The following SMNDC1 variants were observed in gnomAD, a reference collection of about 807,000 sequenced individuals.
The protein encoded by SMNDC1 is survival of motor neuron-related-splicing factor 30.
A neutral mutation model predicts 29.2 loss-of-function variants in SMNDC1; 5 were observed. The observed-to-expected ratio is 0.17, with a 90% CI of 0.09 to 0.36. SMNDC1 has a LOEUF of 0.36. Ranked by LOEUF, SMNDC1 falls within the 10% of genes least tolerant of loss-of-function variation. SMNDC1 has a pLI of 1.00. For synonymous variants in SMNDC1, 80 were observed against 89.9 expected (o/e 0.89, Z 0.62); for missense variants, 142 against 268.5 (o/e 0.53, Z 3.29).
intron 4 of SMNDC1, 58 bp downstream of exon 4, chr10:110,297,509 C>G (rs538647589): frequency 6.6e-7 from 1 of 1,517,876 alleles, no homozygotes; most frequent in African/African-American, 1.4e-5. Context: ...CTGCAGACTA[C>G]TTCAAGTATC....
rs1008525231 is a variant in SMNDC1 at position 110,304,908 on chromosome 10, G to C, written c.-161C>G. The C allele has an allele frequency of 1.3e-5, 2 of 152,416 alleles. No individual in the cohort carries two copies. Among genetic ancestry groups the C allele is most frequent in the Non-Finnish European group, 2.9e-5 (2 of 68,174 alleles). The allele number at this position is 152,416 out of a possible 1,614,324, so 9.4% of individuals were successfully genotyped here. ...GGAAGAACTCGGTCGGCGGCGAGGG[G>C]GAAGGGAGGAACGCCGGGCACTGGA... On this transcript the variant is annotated 5_prime_UTR_variant, in exon 1 of 6. Transcript: ENST00000369603.
At position 110,291,945 on chromosome 10, in the gene SMNDC1, TCAGTCTGTCA is replaced by T. The variant is rs992766120; in HGVS notation, c.*2195_*2204del. On this transcript the variant is annotated 3_prime_UTR_variant, in exon 6 of 6. Transcript: ENST00000369603. ...GGCCCATAACTCAATATTTAACATT[TCAGTCTGTCA>T]CAGTTTCAAAGCTTCAAGTCTCCTT... 6.6e-6 allele frequency: 1 copy of T among 152,224 alleles called. No individual in the cohort carries two copies. Among genetic ancestry groups the T allele is most frequent in the African/African-American group, 2.4e-5 (1 of 41,454 alleles). 9.4% of individuals were successfully genotyped at this position (152,224 alleles called of 1,614,324 possible).
intron 5 of SMNDC1, among the ~76,000 whole-genome samples, chr10:110,294,556 G>A (rs533171282): frequency 5.9e-5 from 9 of 152,200 alleles, no homozygotes; most frequent in African/African-American, 1.7e-4. Flanking sequence ...TTTTGTAAAC[G>A]CAAATCCTAA....
chr10:110,301,774 T>C (rs1857653323), intron 2 of SMNDC1, among the ~76,000 whole-genome samples: 1 of 152,202 alleles, frequency 6.6e-6, no homozygotes, highest in Non-Finnish European at 1.5e-5. Context: ...TCCAGGTCAT[T>C]ATTAACTGAA....
chr10:110,299,102 T>C (rs990273065), intron 2 of SMNDC1, among the ~76,000 whole-genome samples: 3 of 152,174 alleles, frequency 2.0e-5, no homozygotes, highest in African/African-American at 7.2e-5. Flanking sequence ...GCTGAATAGA[T>C]CTCTCTAAAG....
chr10:110,297,054 C>T (rs190063735), intron 4 of SMNDC1, among the ~76,000 whole-genome samples: 8 of 152,334 alleles, frequency 5.3e-5, no homozygotes, highest in African/African-American at 1.9e-4. Context: ...ATCATACCGC[C>T]TTGTAGCTTT....
intron 5 of SMNDC1, 115 bp from the exon 6 acceptor site, chr10:110,294,402 A>G: frequency 1.1e-6 from 1 of 870,008 alleles, no homozygotes; most frequent in Non-Finnish European, 1.7e-6. Context: ...GAAGAAAAAC[A>G]TATTGCCTTT....
rs1346159075 is a variant in SMNDC1 at position 110,293,182 on chromosome 10, GTGA to G, written c.*965_*967del. On this transcript the variant is annotated 3_prime_UTR_variant, in exon 6 of 6. Transcript: ENST00000369603. ...GGCTTAAACTCAACTCAGGATAACTGTGATGATGTTCACTTACACCAACAAATG... is the reference window on the plus strand; with the variant it reads ...GGCTTAAACTCAACTCAGGATAACTGTGATGTTCACTTACACCAACAAATG... The G allele has an allele frequency of 6.6e-6, 1 of 152,572 alleles. No individual in the cohort carries two copies. The allele number at this position is 152,572 out of a possible 1,614,324, so 9.5% of individuals were successfully genotyped here. A position where few individuals can be genotyped will look rare whatever the true frequency, so the allele number is the denominator to read the frequency against.
chr10:110,297,128 T>A (rs1345932658), intron 4 of SMNDC1, among the ~76,000 whole-genome samples: 7 of 152,240 alleles, frequency 4.6e-5, no homozygotes, highest in Non-Finnish European at 1.0e-4. Context: ...AAATCTGCCC[T>A]AATAATAAAA....
chr10:110,296,272 A>C (rs1857561283), intron 4 of SMNDC1, among the ~76,000 whole-genome samples: 3 of 152,190 alleles, frequency 2.0e-5, no homozygotes, highest in African/African-American at 7.2e-5. Context: ...GTTAACACTG[A>C]CTTCTCACCA....
Position 110,303,783 on chromosome 10 carries a change from A to G in SMNDC1, c.1-196T>C, listed in dbSNP as rs937798941. The G allele has an allele frequency of 4.9e-5, 25 of 513,626 alleles. No homozygotes were observed. In the African/African-American group the frequency reaches 5.1e-4, roughly 10 times the overall value. 31.8% of individuals were successfully genotyped at this position (513,626 alleles called of 1,614,324 possible). A position where few individuals can be genotyped will look rare whatever the true frequency, so the allele number is the denominator to read the frequency against. ...ACAAACTTAAAGGCAACAGATTCTG[A>G]GGATTATAAACTTGAGATACATTCC... On this transcript the variant is annotated intron_variant, in intron 1 of 5. Coordinates refer to ENST00000369603, the MANE Select transcript of SMNDC1 (RefSeq NM_005871.4).
At position 110,292,226 on chromosome 10, in the gene SMNDC1, C is replaced by T. The variant is rs530518648; in HGVS notation, c.*1924G>A. ...GACACTAGGATTTTCCAAAGGGCCA[C>T]ATCTAGATCTTTGACACAAAGGTTG... On this transcript the variant is annotated 3_prime_UTR_variant, in exon 6 of 6. Coordinates refer to ENST00000369603, the MANE Select transcript of SMNDC1 (RefSeq NM_005871.4). 2 of 152,140 alleles carry T rather than the reference C, an allele frequency of 1.3e-5. No homozygotes were observed. The highest frequency in any genetic ancestry group is 2.9e-5 in the Non-Finnish European group (2 of 68,022). 9.4% of individuals were successfully genotyped at this position (152,140 alleles called of 1,614,324 possible). A position where few individuals can be genotyped will look rare whatever the true frequency, so the allele number is the denominator to read the frequency against.
intron 2 of SMNDC1, among the ~76,000 whole-genome samples, chr10:110,299,874 C>T (rs1857619005): frequency 6.6e-6 from 1 of 152,104 alleles, no homozygotes; most frequent in South Asian, 2.1e-4. Context: ...AGTCTTAAAT[C>T]TCTTGAAGAA....
chr10:110,303,622 T>C (rs770139731), intron 1 of SMNDC1, 35 bp from the exon 2 acceptor site: 102 of 1,537,276 alleles, frequency 6.6e-5, no homozygotes, highest in Non-Finnish European at 8.4e-5. Context: ...CCATGAAAAC[T>C]AAACCAAAAA....
intron 2 of SMNDC1, among the ~76,000 whole-genome samples, chr10:110,302,116 A>C (rs928663933): frequency 1.5e-4 from 23 of 152,226 alleles, no homozygotes; most frequent in African/African-American, 5.3e-4. Context: ...TGGGGCAAAC[A>C]GAAAGCACTT....
chr10:110,297,619 C>T lies in SMNDC1; in HGVS notation c.373G>A (p.Val125Ile), dbSNP rs764582723. ...EVTPLLNLKP[V>I]EEGRKAKEDS... ...TCCTTTGCCTTCCTTCCTTCTTCTA[C>T]AGGCTTGAGGTTCAACAGTGGAGTC... The change falls in exon 4 of 6, where the codon GTA (valine) becomes ATA (isoleucine). Residue 125 changes from valine (V) to isoleucine (I), a missense_variant. By Grantham distance (29) the Val-to-Ile change is conservative (BLOSUM62 3). This residue lies in a region of SMNDC1 where 54 missense variants were observed against 152.1 expected (regional missense o/e 0.36). Coordinates refer to ENST00000369603, the MANE Select transcript of SMNDC1 (RefSeq NM_005871.4). 2.5e-6 allele frequency: 4 copies of T among 1,614,012 alleles called. No individual in the cohort carries two copies. The highest frequency in any genetic ancestry group is 1.1e-5 in the South Asian group (1 of 91,082).
chr10:110,301,128 G>C (rs1034631792), intron 2 of SMNDC1, among the ~76,000 whole-genome samples: 1 of 152,170 alleles, frequency 6.6e-6, no homozygotes, highest in African/African-American at 2.4e-5. Flanking sequence ...CCATATGATG[G>C]TCAAAAAATA....
At chr10:110,298,619 ATAGT>A (rs757211981) in intron 3 of SMNDC1, 25 bp downstream of exon 3, 53 of 1,564,530 alleles carry the variant, frequency 3.4e-5, no homozygotes, top group Middle Eastern at 1.7e-4. Context: ...ATTTCATGTT[ATAGT>A]TAGAGTTTTT....
chr10:110,295,702 C>T (rs962546198), intron 4 of SMNDC1, among the ~76,000 whole-genome samples: 9 of 150,022 alleles, frequency 6.0e-5, no homozygotes, highest in Middle Eastern at 3.4e-3. Flanking sequence ...AGTACAGTGG[C>T]ACAATCTTGG....
Sources: gnomAD v4.1 joint callset for allele counts (sites outside exome capture counted in the v4.1 genomes callset) on GRCh38, gnomAD v4.1.1 for gene constraint, gnomAD v4.1.1 regional missense constraint, MANE v1.5 for transcripts, NCBI Gene and HGNC (gene_info 2026-07-23, HGNC 2026-07-21) for gene names.